The following ERC2 variants were observed in gnomAD, a reference collection of about 807,000 sequenced individuals.
ERC2 encodes the protein ELKS/RAB6-interacting/CAST family member 2, also known as ERC protein 2.
Under a neutral mutation model 114.8 loss-of-function variants are expected in ERC2, and 42 were observed. The ratio of observed to expected loss-of-function variants is 0.37; its 90% CI spans 0.29 to 0.47. The LOEUF (loss-of-function observed/expected upper bound fraction) is 0.47, where lower values mean the gene tolerates loss of function less well. Among genes scored for constraint, ERC2 ranks in the 20% least tolerant of loss-of-function variants. The pLI is 0.99. For synonymous variants in ERC2, 454 were observed against 425.5 expected (o/e 1.07, Z -0.82); for missense variants, 939 against 1,150.7 (o/e 0.82, Z 2.66).
At chr3:55,651,899 C>G (rs148155414) in intron 17 of ERC2, among the ~76,000 whole-genome samples, 10 of 152,314 alleles carry the variant, frequency 6.6e-5, no homozygotes, top group African/African-American at 2.4e-4. Context: ...AAAATCCCAG[C>G]AGCTCGGAAT....
At chr3:55,977,263 G>T (rs2069663758) in intron 12 of ERC2, among the ~76,000 whole-genome samples, 2 of 152,136 alleles carry the variant, frequency 1.3e-5, no homozygotes, top group African/African-American at 2.4e-5. Flanking sequence ...ACAAAATTCA[G>T]AAGACATAAA....
Position 55,946,073 on chromosome 3 carries a change from A to T in ERC2, c.2403+4352T>A, listed in dbSNP as rs180855174. On this transcript the variant is annotated intron_variant, in intron 13 of 17. Coordinates refer to ENST00000288221, the MANE Select transcript of ERC2 (RefSeq NM_015576.3). ...AAATAGCTAGAGCTTTAAAAAGAAA[A>T]AAATAAATAAAAATAAAAAAATAAA... Among the ~76,000 whole-genome samples the T allele has an allele frequency of 6.6e-3, 997 of 151,928 alleles. 12 individuals are homozygous for T. Among genetic ancestry groups the T allele is most frequent in the African/African-American group, 0.02 (835 of 41,550 alleles).
chr3:55,964,053 C>T (rs1407338021), intron 12 of ERC2, among the ~76,000 whole-genome samples: 1 of 152,118 alleles, frequency 6.6e-6, no homozygotes, highest in African/African-American at 2.4e-5. Flanking sequence ...AATGTGTTGG[C>T]GTTTATATTA....
chr3:55,727,608 C>A (rs2065000750), intron 15 of ERC2, among the ~76,000 whole-genome samples: 2 of 152,142 alleles, frequency 1.3e-5, no homozygotes, highest in Admixed American at 6.6e-5. Flanking sequence ...TTTCTGAACT[C>A]ATTTCATATC....
chr3:55,803,322 C>T (rs1260718254), intron 14 of ERC2, among the ~76,000 whole-genome samples: 1 of 152,080 alleles, frequency 6.6e-6, no homozygotes, highest in African/African-American at 2.4e-5. Context: ...CTCCCATGGC[C>T]TCCCTACCTC....
At chr3:55,904,635 A>C (rs879380464) in intron 13 of ERC2, among the ~76,000 whole-genome samples, 3 of 152,160 alleles carry the variant, frequency 2.0e-5, no homozygotes, top group Non-Finnish European at 4.4e-5. Context: ...AGAAACCATC[A>C]TGAACATGTT....
intron 17 of ERC2, among the ~76,000 whole-genome samples, chr3:55,571,686 G>A (rs2056723996): frequency 1.3e-5 from 2 of 152,196 alleles, no homozygotes; most frequent in Admixed American, 1.3e-4. Flanking sequence ...GGAGTGTTCA[G>A]AAGTGTTTCC....
At chr3:56,146,879 T>A (rs1007592509) in intron 5 of ERC2, among the ~76,000 whole-genome samples, 1 of 152,184 alleles carries the variant, frequency 6.6e-6, no homozygotes, top group Non-Finnish European at 1.5e-5. Context: ...TCTGGAACCA[T>A]TAAAAGTAAC....
At chr3:56,443,872 A>G (rs1416671661) in intron 1 of ERC2, among the ~76,000 whole-genome samples, 1 of 152,096 alleles carries the variant, frequency 6.6e-6, no homozygotes, top group South Asian at 2.1e-4. Context: ...GTAGCAGTTA[A>G]GATCTTACAG....
chr3:55,670,371 G>A (rs1432808895), intron 17 of ERC2, among the ~76,000 whole-genome samples: 1 of 152,220 alleles, frequency 6.6e-6, no homozygotes, highest in African/African-American at 2.4e-5. Context: ...AGGTGGAGAG[G>A]ATGAAAATGG....
chr3:55,793,307 T>C (rs528158694), intron 14 of ERC2, among the ~76,000 whole-genome samples: 16 of 152,294 alleles, frequency 1.1e-4, no homozygotes, highest in African/African-American at 2.6e-4. Flanking sequence ...TCTAAGCAAA[T>C]AGATTTAACC....
At chr3:56,005,779 T>G (rs911970802) in intron 10 of ERC2, among the ~76,000 whole-genome samples, 1 of 152,088 alleles carries the variant, frequency 6.6e-6, no homozygotes, top group Non-Finnish European at 1.5e-5. Flanking sequence ...CAAAGCTAGC[T>G]TAAAGCCTGC....
chr3:56,327,460 T>C (rs948432451), intron 2 of ERC2, among the ~76,000 whole-genome samples: 4 of 152,142 alleles, frequency 2.6e-5, no homozygotes, highest in African/African-American at 9.7e-5. Flanking sequence ...AGACACAAAG[T>C]GGTATGGACA....
chr3:55,954,141 G>GAA (rs571121832), intron 12 of ERC2, among the ~76,000 whole-genome samples: 1 of 50,024 alleles, frequency 2.0e-5, no homozygotes, highest in African/African-American at 7.4e-5. Context: ...TTTTTCTCCA[G>GAA]AAAAAAAAAA....
intron 7 of ERC2, among the ~76,000 whole-genome samples, chr3:56,027,975 G>C (rs1189814745): frequency 6.6e-6 from 1 of 152,030 alleles, no homozygotes; most frequent in Non-Finnish European, 1.5e-5. Flanking sequence ...TTTGCATAAG[G>C]TGTGAAGTTT....
At chr3:56,336,123 A>AGG (rs1175346295) in intron 2 of ERC2, among the ~76,000 whole-genome samples, 1 of 152,196 alleles carries the variant, frequency 6.6e-6, no homozygotes. Context: ...AAATGTACTT[A>AGG]GGGAAGTCTA....
intron 1 of ERC2, among the ~76,000 whole-genome samples, chr3:56,457,415 T>G (rs994615963): frequency 1.9e-4 from 29 of 152,158 alleles, no homozygotes; most frequent in Non-Finnish European, 1.3e-4. Flanking sequence ...GCCATAATAA[T>G]CAATCTTTCT....
intron 17 of ERC2, among the ~76,000 whole-genome samples, chr3:55,553,323 A>T (rs770642737): frequency 8.6e-5 from 13 of 151,746 alleles, no homozygotes; most frequent in Non-Finnish European, 1.9e-4. Context: ...TCAGGTCCAG[A>T]TTTTTCTATT....
chr3:56,348,187 C>G (rs545430926), intron 2 of ERC2, among the ~76,000 whole-genome samples: 28 of 152,264 alleles, frequency 1.8e-4, no homozygotes, highest in Non-Finnish European at 3.8e-4. Context: ...CCTTCTAATT[C>G]TCCATCACAA....
Sources: gnomAD v4.1 joint callset for allele counts (sites outside exome capture counted in the v4.1 genomes callset) on GRCh38, gnomAD v4.1.1 for gene constraint, MANE v1.5 for transcripts, NCBI Gene and HGNC (gene_info 2026-07-23, HGNC 2026-07-21) for gene names.